The following PPFIBP2 variants were observed in gnomAD, a reference collection of about 807,000 sequenced individuals.
PPFIBP2 encodes liprin-beta-2.
Under a neutral mutation model 118.3 loss-of-function variants are expected in PPFIBP2, and 118 were observed. The observed-to-expected ratio is 1.00, with a 90% CI of 0.86 to 1.16. PPFIBP2 has a LOEUF of 1.16. Ranked by LOEUF, PPFIBP2 falls within the 50% of genes most tolerant of loss-of-function variation. The pLI is 0.00. For synonymous variants in PPFIBP2, 414 were observed against 397.4 expected, an observed-to-expected ratio of 1.04 and a Z score of -0.50; for missense variants, 1,195 against 1,073.1, an observed-to-expected ratio of 1.11 and a Z score of -1.59.
At chr11:7,641,053 G>GC in intron 15 of PPFIBP2, 1 of 1,281,806 alleles carries the variant, frequency 7.8e-7, no homozygotes. Flanking sequence ...GAGTGTCAGT[G>GC]CCCCCGTATT....
intron 3 of PPFIBP2, among the ~76,000 whole-genome samples, chr11:7,571,250 G>C (rs1038433244): frequency 6.6e-6 from 1 of 152,148 alleles, no homozygotes; most frequent in African/African-American, 2.4e-5. Context: ...AGGCTGGGGA[G>C]CACAGCCACC....
At chr11:7,570,864 A>C (rs900060057) in intron 3 of PPFIBP2, among the ~76,000 whole-genome samples, 1 of 152,136 alleles carries the variant, frequency 6.6e-6, no homozygotes, top group Non-Finnish European at 1.5e-5. Flanking sequence ...CTGAGTTTGA[A>C]AGTGTCTGCA....
chr11:7,617,783 A>G (rs970441883), intron 6 of PPFIBP2, among the ~76,000 whole-genome samples: 3 of 152,222 alleles, frequency 2.0e-5, no homozygotes, highest in Non-Finnish European at 2.9e-5. Context: ...AAGTTTTCAT[A>G]TGCTGTGAAT....
chr11:7,571,973 A>G, intron 3 of PPFIBP2: 1 of 152,220 alleles, frequency 6.6e-6, no homozygotes. Context: ...AGCACCTCTC[A>G]TTATTGAAAC....
chr11:7,517,649 AG>A (rs748748039), intron 1 of PPFIBP2, among the ~76,000 whole-genome samples: 1 of 152,184 alleles, frequency 6.6e-6, no homozygotes, highest in Non-Finnish European at 1.5e-5. Context: ...GCTCGGGGTT[AG>A]GAGACTTGTC....
intron 1 of PPFIBP2, among the ~76,000 whole-genome samples, chr11:7,544,012 G>A (rs923382171): frequency 2.6e-5 from 4 of 152,138 alleles, no homozygotes; most frequent in Non-Finnish European, 4.4e-5. Context: ...GTGTGGGATC[G>A]TTTTCTCCCT....
At chr11:7,643,659 A>C (rs1282269623) in intron 17 of PPFIBP2, among the ~76,000 whole-genome samples, 2 of 152,210 alleles carry the variant, frequency 1.3e-5, no homozygotes, top group Admixed American at 6.5e-5. Flanking sequence ...TCTTAACTAG[A>C]AATTGATATA....
At position 7,599,691 on chromosome 11, in the gene PPFIBP2, C is replaced by T. The variant is rs1329149008; in HGVS notation, c.486+2018C>T. Among the ~76,000 whole-genome samples, 8 of 146,624 alleles carry T rather than the reference C, an allele frequency of 5.5e-5. No homozygotes were observed. The South Asian group carries it at 8.6e-4, about 16-fold the overall frequency. ...AGTTGCCCAGGCTGGAGTGCGGTGG[C>T]GCGATCTCGGCTCACTGCAACCTCC... On this transcript the variant is annotated intron_variant, in intron 5 of 23. Coordinates refer to ENST00000299492, the MANE Select transcript of PPFIBP2 (RefSeq NM_003621.5).
chr11:7,591,445 CCTG>C (rs1227897630), intron 3 of PPFIBP2, among the ~76,000 whole-genome samples: 2 of 79,264 alleles, frequency 2.5e-5, no homozygotes, highest in East Asian at 9.6e-4. Flanking sequence ...AAGAAGTTGA[CCTG>C]CTATTAAGAA....
intron 23 of PPFIBP2, 83 bp downstream of exon 23, chr11:7,651,927 C>A: frequency 1.5e-6 from 2 of 1,309,956 alleles, no homozygotes; most frequent in Non-Finnish European, 2.1e-6. Context: ...ATGCCCACAG[C>A]CAGAGCAGCA....
intron 6 of PPFIBP2, 35 bp downstream of exon 6, chr11:7,610,457 C>T: frequency 6.2e-7 from 1 of 1,601,092 alleles, no homozygotes. Flanking sequence ...AAGCTCAGAC[C>T]TGGGAAGGCT....
chr11:7,624,812 C>T (rs918303962), intron 7 of PPFIBP2, among the ~76,000 whole-genome samples: 1 of 152,168 alleles, frequency 6.6e-6, no homozygotes, highest in African/African-American at 2.4e-5. Flanking sequence ...TAATTGCAGT[C>T]CCATGAAGTA....
At chr11:7,536,415 C>G (rs1851220809) in intron 1 of PPFIBP2, among the ~76,000 whole-genome samples, 1 of 152,084 alleles carries the variant, frequency 6.6e-6, no homozygotes, top group African/African-American at 2.4e-5. Context: ...AGGACATGTT[C>G]TAGAATAGCA....
At chr11:7,665,173 C>T in the PPFIBP2 span, 1 of 470,696 alleles carries the variant, frequency 2.1e-6, no homozygotes, top group South Asian at 4.1e-5. Flanking sequence ...TTCCAGCCTC[C>T]AAGCAAGGAG....
At chr11:7,529,173 A>G (rs1212706236) in intron 1 of PPFIBP2, among the ~76,000 whole-genome samples, 1 of 152,010 alleles carries the variant, frequency 6.6e-6, no homozygotes, top group Non-Finnish European at 1.5e-5. Context: ...AGGAAGCTCT[A>G]CCTCCTTGTC....
chr11:7,628,451 C>T, intron 9 of PPFIBP2, 105 bp downstream of exon 9: 3 of 1,042,148 alleles, frequency 2.9e-6, no homozygotes, highest in Non-Finnish European at 4.3e-6. Context: ...GCTTATCATG[C>T]CATTGACATA....
chr11:7,524,754 G>T (rs766892795), intron 1 of PPFIBP2, among the ~76,000 whole-genome samples: 2 of 151,696 alleles, frequency 1.3e-5, no homozygotes, highest in Non-Finnish European at 2.9e-5. Flanking sequence ...AAGGGAAGGG[G>T]TGGGGTGGGA....
rs1565098900 is a variant in PPFIBP2 at position 7,635,579 on chromosome 11, G to C, written c.1222G>C (p.Val408Leu). The C allele has an allele frequency of 1.2e-6, 2 of 1,610,210 alleles. No homozygotes were observed. The highest frequency in any genetic ancestry group is 2.7e-5 in the African/African-American group (2 of 74,860). ...KCMDGNQPFPVLEPKDSPFLA... is the reference protein window; with the variant it reads ...KCMDGNQPFPLLEPKDSPFLA... ...TATGGATGGGAACCAGCCCTTCCCGGTGTTAGAACCCAAGGTACATTGACT... is the reference window on the plus strand; with the variant it reads ...TATGGATGGGAACCAGCCCTTCCCGCTGTTAGAACCCAAGGTACATTGACT... The change falls in exon 14 of 24, where the codon GTG (valine) becomes CTG (leucine). Residue 408 changes from valine (V) to leucine (L), a missense_variant. Coordinates refer to ENST00000299492, the MANE Select transcript of PPFIBP2 (RefSeq NM_003621.5).
rs748181350 is a variant in PPFIBP2, at chr11:7,653,253, G to A, written c.*35G>A. 4 of 1,612,762 alleles carry A rather than the reference G, an allele frequency of 2.5e-6. No individual in the cohort carries two copies. Among genetic ancestry groups the A allele is most frequent in the Admixed American group, 1.7e-5 (1 of 59,922 alleles). ...CACCTGCCCTCTGTGCACCCTGAGAGCTCACAGTAACACTGTGTGTGTCAC... is the reference window on the plus strand; with the variant it reads ...CACCTGCCCTCTGTGCACCCTGAGAACTCACAGTAACACTGTGTGTGTCAC... On this transcript the variant is annotated 3_prime_UTR_variant, in exon 24 of 24. Coordinates refer to ENST00000299492, the MANE Select transcript of PPFIBP2 (RefSeq NM_003621.5).
Sources: allele counts gnomAD v4.1 joint callset (sites outside exome capture counted in the v4.1 genomes callset), GRCh38; gene constraint gnomAD v4.1.1; transcripts MANE v1.5; gene names NCBI Gene and HGNC (gene_info 2026-07-23, HGNC 2026-07-21).